The following PPM1E variants were observed in gnomAD, a reference collection of about 807,000 sequenced individuals.
PPM1E encodes protein phosphatase 1E.
A neutral mutation model predicts 65.9 loss-of-function variants in PPM1E; 20 were observed. The ratio of observed to expected loss-of-function variants is 0.30; its 90% confidence interval spans 0.21 to 0.44. The LOEUF (loss-of-function observed/expected upper bound fraction) is 0.44. Among genes scored for constraint, PPM1E ranks in the 20% least tolerant of loss-of-function variants. The pLI is 1.00. For missense variants in PPM1E, 713 were observed against 953.1 expected, an observed-to-expected ratio of 0.75 and a Z score of 3.32; for synonymous variants, 352 against 374.9, an observed-to-expected ratio of 0.94 and a Z score of 0.70.
chr17:58,923,299 A>AG (rs1555620057), intron 1 of PPM1E, among the ~76,000 whole-genome samples: 4 of 150,186 alleles, frequency 2.7e-5, no homozygotes, highest in Admixed American at 6.6e-5. Flanking sequence ...AAAAAAAAAA[A>AG]AAAGAAAGAA....
At position 58,984,398 on chromosome 17, in the gene PPM1E, C is replaced by T. The variant is rs1414621386; in HGVS notation, c.*3367C>T. On this transcript the variant is annotated 3_prime_UTR_variant, in exon 7 of 7. Coordinates refer to ENST00000308249, the MANE Select transcript of PPM1E (RefSeq NM_014906.5). ...TAAAACTGCTGTGGTTCAAGTGCTT[C>T]CTTCCCCATCAAATCCTTGATAAGG... 6.6e-6 allele frequency: 1 copy of T among 152,648 alleles called. No homozygotes were observed. Among genetic ancestry groups the T allele is most frequent in the East Asian group, 1.9e-4 (1 of 5,206 alleles). 9.5% of individuals were successfully genotyped at this position (152,648 alleles called of 1,614,324 possible).
chr17:58,974,041 T>C (rs986953152), intron 6 of PPM1E, among the ~76,000 whole-genome samples: 14 of 151,376 alleles, frequency 9.2e-5, no homozygotes, highest in Non-Finnish European at 1.6e-4. Flanking sequence ...GGCGGAAGGA[T>C]TGCTTGAGTC....
At chr17:58,938,425 G>T (rs867819329) in intron 1 of PPM1E, among the ~76,000 whole-genome samples, 2 of 152,026 alleles carry the variant, frequency 1.3e-5, no homozygotes, top group South Asian at 4.1e-4. Flanking sequence ...GGTCTCTCTC[G>T]TGTGTGTGTA....
At chr17:58,922,686 CT>C (rs35870575) in intron 1 of PPM1E, among the ~76,000 whole-genome samples, 46,694 of 133,378 alleles carry the variant, frequency 0.35, 7,104 homozygotes, top group Middle Eastern at 0.48. Flanking sequence ...TCTTGAAGTA[CT>C]TTTTTTTTTT....
intron 6 of PPM1E, among the ~76,000 whole-genome samples, chr17:58,973,374 G>A (rs1024678112): frequency 1.2e-4 from 18 of 150,158 alleles, no homozygotes; most frequent in African/African-American, 4.4e-4. Context: ...TGGAGATCGC[G>A]CCATTGCACG....
chr17:58,924,070 C>T (rs1222154075), intron 1 of PPM1E, among the ~76,000 whole-genome samples: 1 of 151,596 alleles, frequency 6.6e-6, no homozygotes, highest in Non-Finnish European at 1.5e-5. Context: ...AGGTGTGCAC[C>T]ACCATGCCTG....
chr17:58,780,934 T>G lies in PPM1E; in HGVS notation c.464+24473T>G, dbSNP rs557096053. On this transcript the variant is annotated intron_variant, in intron 1 of 6. Transcript: ENST00000308249. Reference sequence around the variant, plus strand: ...CAAATTGATATATCTAATTATTACTTCTGATAAGTAAATAATTCTTTTAAT... The same window carrying G: ...CAAATTGATATATCTAATTATTACTGCTGATAAGTAAATAATTCTTTTAAT... 2.0e-4 allele frequency among the ~76,000 whole-genome samples: 30 copies of G among 152,244 alleles called. No individual in the cohort carries two copies. The South Asian group carries it at 3.5e-3, about 18-fold the overall frequency.
intron 1 of PPM1E, among the ~76,000 whole-genome samples, chr17:58,802,228 C>T (rs1013524691): frequency 5.3e-5 from 8 of 152,004 alleles, no homozygotes; most frequent in African/African-American, 1.9e-4. Flanking sequence ...AATAAGGGTC[C>T]AACTTCATAT....
At chr17:58,942,059 A>T (rs565561958) in intron 1 of PPM1E, among the ~76,000 whole-genome samples, 1 of 151,808 alleles carries the variant, frequency 6.6e-6, no homozygotes, top group South Asian at 2.1e-4. Flanking sequence ...TTCATTACCC[A>T]CTAATGGATC....
chr17:58,843,825 G>A (rs1346175077), intron 1 of PPM1E, among the ~76,000 whole-genome samples: 4 of 152,110 alleles, frequency 2.6e-5, no homozygotes, highest in African/African-American at 9.7e-5. Context: ...GCTAGACCCT[G>A]TCTCAAAACA....
chr17:58,788,051 CT>C (rs1259490618), intron 1 of PPM1E, among the ~76,000 whole-genome samples: 2 of 151,864 alleles, frequency 1.3e-5, no homozygotes, highest in African/African-American at 4.8e-5. Flanking sequence ...ACTGTATAAA[CT>C]TTTTTTCTTC....
At chr17:58,812,305 A>G (rs1281398706) in intron 1 of PPM1E, among the ~76,000 whole-genome samples, 2 of 85,102 alleles carry the variant, frequency 2.4e-5, no homozygotes, top group Admixed American at 2.2e-4. Context: ...CTCTGTTTCA[A>G]AAAAAAAAAA....
intron 2 of PPM1E, among the ~76,000 whole-genome samples, chr17:58,960,132 C>A (rs2029984971): frequency 6.6e-6 from 1 of 152,206 alleles, no homozygotes; most frequent in African/African-American, 2.4e-5. Flanking sequence ...GTGATCTCAA[C>A]AGAACCTGGC....
chr17:58,809,510 G>T (rs1423808199), intron 1 of PPM1E, among the ~76,000 whole-genome samples: 1 of 152,070 alleles, frequency 6.6e-6, no homozygotes, highest in African/African-American at 2.4e-5. Flanking sequence ...AGCCTCCCAA[G>T]GTAGCTAAGA....
At chr17:58,901,762 A>G (rs1478783626) in intron 1 of PPM1E, among the ~76,000 whole-genome samples, 1 of 152,118 alleles carries the variant, frequency 6.6e-6, no homozygotes, top group Non-Finnish European at 1.5e-5. Flanking sequence ...GGATCACCTG[A>G]GGTAGGGAGT....
At chr17:58,933,323 G>A (rs2051927940) in intron 1 of PPM1E, among the ~76,000 whole-genome samples, 1 of 152,182 alleles carries the variant, frequency 6.6e-6, no homozygotes, top group Admixed American at 6.5e-5. Flanking sequence ...TGAGGGAGAG[G>A]AGAGTTGTGT....
At chr17:58,806,702 T>TC (rs199779622) in intron 1 of PPM1E, among the ~76,000 whole-genome samples, 160 of 109,628 alleles carry the variant, frequency 1.5e-3, no homozygotes, top group Middle Eastern at 4.4e-3. Context: ...TGTTTTCTTT[T>TC]TTTTTTTTTT....
chr17:58,855,965 G>A (rs565884605), intron 1 of PPM1E, among the ~76,000 whole-genome samples: 1 of 152,040 alleles, frequency 6.6e-6, no homozygotes, highest in Admixed American at 6.5e-5. Context: ...AGATACATAG[G>A]GAAAATTGTT....
At chr17:58,893,968 G>A (rs1261569846) in intron 1 of PPM1E, among the ~76,000 whole-genome samples, 6 of 151,922 alleles carry the variant, frequency 3.9e-5, no homozygotes, top group African/African-American at 1.5e-4. Context: ...CAGCTATTTG[G>A]GAGGCTGAAG....
Sources: allele counts gnomAD v4.1 joint callset (sites outside exome capture counted in the v4.1 genomes callset), GRCh38; gene constraint gnomAD v4.1.1; transcripts MANE v1.5; gene names NCBI Gene and HGNC (gene_info 2026-07-23, HGNC 2026-07-21).